The following LRP4 variants were observed in gnomAD, a reference collection of about 807,000 sequenced individuals.
The protein encoded by LRP4 is low-density lipoprotein receptor-related protein 4.
In LRP4, 95 loss-of-function variants were observed where a neutral mutation model predicts 220.3. The ratio of observed to expected loss-of-function variants is 0.43; its 90% CI spans 0.37 to 0.51. The LOEUF (loss-of-function observed/expected upper bound fraction) is 0.51, where lower values mean the gene tolerates loss of function less well. Among genes scored for constraint, LRP4 ranks in the 20% least tolerant of loss-of-function variants. The probability of loss-of-function intolerance (pLI) is 0.00; values close to 1 mark genes in which losing one functional copy is unlikely to be tolerated. For missense variants in LRP4, 1,925 were observed against 2,567.0 expected (o/e 0.75, Z 5.40); for synonymous variants, 903 against 954.6 (o/e 0.95, Z 1.00).
At chr11:46,874,515 C>T (rs548230431) in intron 28 of LRP4, 16 of 434,400 alleles carry the variant, frequency 3.7e-5, no homozygotes, top group Non-Finnish European at 3.8e-5. Context: ...TTGGAGCTCC[C>T]TCAGGGCACA....
chr11:46,858,735 G>C lies in LRP4; in HGVS notation c.*248C>G, dbSNP rs1249478125. On this transcript the variant is annotated 3_prime_UTR_variant, in exon 38 of 38. Transcript: ENST00000378623. ...TAAGCAGTTTCAGGGGGCCCAGGAT[G>C]GAGTACAAGATGTGAGGTTCATGGT... 3 of 548,900 alleles carry C rather than the reference G, an allele frequency of 5.5e-6. No homozygotes were observed. The highest frequency in any genetic ancestry group is 1.0e-5 in the Non-Finnish European group (3 of 301,014). The allele number at this position is 548,900 out of a possible 1,614,324, so 34.0% of individuals were successfully genotyped here.
chr11:46,911,608 ATAAAT>A (rs1941860888), intron 1 of LRP4, among the ~76,000 whole-genome samples: 2 of 140,020 alleles, frequency 1.4e-5, no homozygotes. Flanking sequence ...AAATAAATAA[ATAAAT>A]AAAAATAAAG....
chr11:46,896,469 C>T, intron 8 of LRP4, 134 bp from the exon 9 acceptor site: 4 of 1,061,898 alleles, frequency 3.8e-6, no homozygotes, highest in Admixed American at 1.9e-5. Flanking sequence ...GGGCAGGAAG[C>T]AGCTCAGACA....
At chr11:46,902,120 GGC>G (rs1941676914) in intron 2 of LRP4, among the ~76,000 whole-genome samples, 1 of 151,768 alleles carries the variant, frequency 6.6e-6, no homozygotes. Context: ...CACTTTGGGA[GGC>G]TGAGGTGGCT....
intron 1 of LRP4, among the ~76,000 whole-genome samples, chr11:46,907,779 A>T (rs2134878877): frequency 6.6e-6 from 1 of 152,298 alleles, no homozygotes; most frequent in East Asian, 1.9e-4. Flanking sequence ...CAAATTCCGC[A>T]ATTTTGAGCA....
chr11:46,888,221 C>T (rs533056188), intron 16 of LRP4, among the ~76,000 whole-genome samples: 38 of 143,720 alleles, frequency 2.6e-4, no homozygotes, highest in African/African-American at 9.9e-4. Context: ...ACTCAGGAGG[C>T]TGAGGCAGGA....
In LRP4 at chr11:46,918,245, C is replaced by T. The variant is rs1941983199; in HGVS notation, c.52+83G>A. The T allele has an allele frequency of 4.9e-6, 7 of 1,417,868 alleles. No individual in the cohort carries two copies. The highest frequency in any genetic ancestry group is 6.6e-6 in the Non-Finnish European group (7 of 1,054,998). 87.8% of individuals were successfully genotyped at this position (1,417,868 alleles called of 1,614,324 possible). A position where few individuals can be genotyped will look rare whatever the true frequency, so the allele number is the denominator to read the frequency against. ...AGCGAGGGCGAGGGGTCTCAGGCCC[C>T]GGCCCGCGCCGTCCAGGTCCCGGGA... On this transcript the variant is annotated intron_variant, in intron 1 of 37. Transcript: ENST00000378623. This position sits in a 1 kb window ranked among gnomAD's most constrained non-coding sequence, Gnocchi z 6.0.
intron 25 of LRP4, 71 bp downstream of exon 25, chr11:46,876,395 A>G (rs563798077): frequency 3.2e-6 from 5 of 1,585,316 alleles, no homozygotes; most frequent in Non-Finnish European, 4.3e-6. Flanking sequence ...TCCACTACCC[A>G]CCTTTACCCC....
chr11:46,860,272 A>G (rs1940509270), intron 37 of LRP4, among the ~76,000 whole-genome samples: 1 of 151,918 alleles, frequency 6.6e-6, no homozygotes, highest in East Asian at 1.9e-4. Flanking sequence ...AAAAACTAAA[A>G]AAAAGGAAAT....
Position 46,886,406 on chromosome 11 carries a change from G to A in LRP4, c.2343C>T (p.Asp781=). 1.2e-6 allele frequency: 2 copies of A among 1,613,354 alleles called. No individual in the cohort carries two copies. The highest frequency in any genetic ancestry group is 1.1e-5 in the South Asian group (1 of 90,876). Residue 781 remains aspartate, a synonymous_variant, in exon 17 of 38, where the codon GAC becomes GAT. Transcript: ENST00000378623. The part of the protein sequence containing the change: ...DVRSAVALDW[D]SRDDHVYWTD... ...TCCAGTACACGTGGTCATCCCGGGA[G>A]TCCCAGTCAAGGGCCACAGCACTGC... is the stretch of plus-strand genomic sequence containing the variant.
chr11:46,917,347 G>A (rs1565810328), intron 1 of LRP4, among the ~76,000 whole-genome samples: 1 of 152,234 alleles, frequency 6.6e-6, no homozygotes, highest in Non-Finnish European at 1.5e-5. Flanking sequence ...TAGGGCTGGG[G>A]TTCAAAGATC....
At position 46,879,141 on chromosome 11, in the gene LRP4, G is replaced by A. The variant is rs1182075915; in HGVS notation, c.2989C>T (p.Arg997Cys). The change falls in exon 21 of 38, where the codon CGC becomes TGC. Residue 997 changes from arginine (R) to cysteine (C), a missense_variant. This residue lies in a region of LRP4 where 1,244 missense variants were observed against 1,624.9 expected (regional missense o/e 0.77). Coordinates refer to ENST00000378623, the MANE Select transcript of LRP4 (RefSeq NM_002334.4). The part of the protein sequence containing the change: ...ENLMDIHVFH[R>C]RRPPVSTPCA... Reference sequence around the variant, plus strand: ...GGCTGCTCACCTGGGGGCCGGCGGCGGTGGAAGACATGGATGTCCATTAGG... The same window carrying A: ...GGCTGCTCACCTGGGGGCCGGCGGCAGTGGAAGACATGGATGTCCATTAGG... The A allele has an allele frequency of 2.4e-5, 38 of 1,614,122 alleles. No homozygotes were observed. Among genetic ancestry groups the A allele is most frequent in the Non-Finnish European group, 3.1e-5 (37 of 1,180,040 alleles).
At position 46,857,696 on chromosome 11, in the gene LRP4, T is replaced by TTCAATTC. The variant is rs995240911; in HGVS notation, c.*1286_*1287insGAATTGA. 2.0e-5 allele frequency: 3 copies of TTCAATTC among 152,324 alleles called. No homozygotes were observed. The highest frequency in any genetic ancestry group is 6.5e-5 in the Admixed American group (1 of 15,280). The allele number at this position is 152,324 out of a possible 1,614,324, so 9.4% of individuals were successfully genotyped here. On this transcript the variant is annotated 3_prime_UTR_variant, in exon 38 of 38. Coordinates refer to ENST00000378623, the MANE Select transcript of LRP4 (RefSeq NM_002334.4). ...CTAGGGAGACGTTTTAGGGCAAAAATAAGTCTCAATTTCCCTGATACCAGG... is the reference window on the plus strand; with the variant it reads ...CTAGGGAGACGTTTTAGGGCAAAAATTCAATTCAAGTCTCAATTTCCCTGATACCAGG...
Position 46,883,801 on chromosome 11 carries a change from T to C in LRP4, c.2612+70A>G, listed in dbSNP as rs1477986533. ...AGATCTGGTCACTCTTCCTAATCTT[T>C]AGACTCCTCTCTGGAGCTCAGATCT... On this transcript the variant is annotated intron_variant, in intron 19 of 37. Transcript: ENST00000378623. The C allele has an allele frequency of 2.5e-6, 3 of 1,202,720 alleles. No individual in the cohort carries two copies. In the African/African-American group the frequency reaches 4.5e-5, roughly 18 times the overall value. 74.5% of individuals were successfully genotyped at this position (1,202,720 alleles called of 1,614,324 possible).
chr11:46,879,274 G>T lies in LRP4; in HGVS notation c.2856C>A (p.Thr952=). The change falls in exon 21 of 38, where the codon ACC becomes ACA. Residue 952 remains threonine (T), a synonymous_variant. Coordinates refer to ENST00000378623, the MANE Select transcript of LRP4 (RefSeq NM_002334.4). The stretch of plus-strand genomic sequence containing the variant: ...TCCAATAGATGCGCTCTCCATAGAG[G>T]GTCAGCCCAAATGGGTGGGGGAGCT... ...GSQLPHPFGL[T]LYGERIYWTD... The T allele has an allele frequency of 2.5e-6, 4 of 1,614,186 alleles. No individual in the cohort carries two copies. Among genetic ancestry groups the T allele is most frequent in the Non-Finnish European group, 3.4e-6 (4 of 1,180,046 alleles).
Position 46,899,740 on chromosome 11 carries a change from A to T in LRP4, c.430+123T>A. The T allele has an allele frequency of 1.1e-6, 1 of 907,406 alleles. No individual in the cohort carries two copies. The highest frequency in any genetic ancestry group is 1.8e-6 in the Non-Finnish European group (1 of 549,528). The allele number at this position is 907,406 out of a possible 1,614,324, so 56.2% of individuals were successfully genotyped here. On this transcript the variant is annotated intron_variant, in intron 4 of 37. Coordinates refer to ENST00000378623, the MANE Select transcript of LRP4 (RefSeq NM_002334.4). The surrounding 1 kb of genome is among the most constrained non-coding windows in gnomAD (Gnocchi z 5.9). ...GGCTCTGCCCCCTCTGCGTTCCTCTAGCTGCTCCAGATATCTGGGCAGTTG... is the reference window on the plus strand; with the variant it reads ...GGCTCTGCCCCCTCTGCGTTCCTCTTGCTGCTCCAGATATCTGGGCAGTTG...
chr11:46,906,381 T>C (rs1401934878), intron 1 of LRP4, among the ~76,000 whole-genome samples: 1 of 150,290 alleles, frequency 6.7e-6, no homozygotes, highest in Non-Finnish European at 1.5e-5. Context: ...GCTTGAACCA[T>C]GGAGGCAGAG....
chr11:46,883,869 A>G lies in LRP4; in HGVS notation c.2612+2T>C. ...GCTCATTCCCAAGGGGCAGCCACTC[A>G]CCCGCCCATGGGTTCCACCACGATG... On this transcript the variant is annotated splice_donor_variant, in intron 19 of 37. Coordinates refer to ENST00000378623, the MANE Select transcript of LRP4 (RefSeq NM_002334.4). LOFTEE classifies it high-confidence loss of function. 1 of 1,611,646 alleles carries G rather than the reference A, an allele frequency of 6.2e-7. No individual in the cohort carries two copies. Among genetic ancestry groups the G allele is most frequent in the Middle Eastern group, 1.7e-4 (1 of 6,012 alleles).
At chr11:46,907,923 C>A (rs1296127406) in intron 1 of LRP4, among the ~76,000 whole-genome samples, 2 of 152,138 alleles carry the variant, frequency 1.3e-5, no homozygotes, top group Non-Finnish European at 2.9e-5. Flanking sequence ...GCAAAAGCTT[C>A]ATAATAATAT....
Sources: gnomAD v4.1 joint callset for allele counts (sites outside exome capture counted in the v4.1 genomes callset) on GRCh38, gnomAD v4.1.1 for gene constraint, gnomAD v4.1.1 regional missense constraint, Gnocchi (gnomAD v3.1) non-coding constraint, MANE v1.5 for transcripts, NCBI Gene and HGNC (gene_info 2026-07-23, HGNC 2026-07-21) for gene names.